The following TMEM106B variants were observed in gnomAD, a reference collection of about 807,000 sequenced individuals.
The protein encoded by TMEM106B is transmembrane protein 106B.
TMEM106B carries 15 observed loss-of-function variants against 31.1 expected under a neutral mutation model. The ratio of observed to expected loss-of-function variants is 0.48; its 90% CI spans 0.32 to 0.74. The LOEUF is 0.74. TMEM106B is among the 30% of genes least tolerant of loss of function. The pLI is 0.03. For missense variants in TMEM106B, 283 were observed against 327.3 expected (o/e 0.86, Z 1.04); for synonymous variants, 126 against 112.5 (o/e 1.12, Z -0.76).
chr7:12,225,175 C>T (rs1487148873), intron 4 of TMEM106B, among the ~76,000 whole-genome samples: 8 of 152,086 alleles, frequency 5.3e-5, no homozygotes, highest in Non-Finnish European at 4.4e-5. Flanking sequence ...GCTTCATCCA[C>T]GTCCCTACAA....
At chr7:12,213,974 T>A (rs1260759227) in intron 1 of TMEM106B, among the ~76,000 whole-genome samples, 1 of 152,180 alleles carries the variant, frequency 6.6e-6, no homozygotes, top group African/African-American at 2.4e-5. Context: ...CAGGCACAAC[T>A]GACCAGCATC....
chr7:12,213,172 T>C (rs1270489795), intron 1 of TMEM106B, among the ~76,000 whole-genome samples: 4 of 152,224 alleles, frequency 2.6e-5, no homozygotes, highest in African/African-American at 7.2e-5. Context: ...TATTGTTATT[T>C]TGATACTCTT....
intron 2 of TMEM106B, among the ~76,000 whole-genome samples, chr7:12,217,056 A>T (rs1781701825): frequency 6.6e-6 from 1 of 152,072 alleles, no homozygotes; most frequent in African/African-American, 2.4e-5. Flanking sequence ...GATAGAGTGA[A>T]TAATAGACAG....
chr7:12,228,106 A>G (rs1032692216), intron 4 of TMEM106B, among the ~76,000 whole-genome samples: 2 of 151,890 alleles, frequency 1.3e-5, no homozygotes, highest in African/African-American at 4.8e-5. Context: ...AATAGATAAA[A>G]TGTTTATATA....
chr7:12,234,713 CACCCTA>C lies in TMEM106B; in HGVS notation c.*2739_*2744del, dbSNP rs1442661503. The C allele has an allele frequency of 6.6e-6, 1 of 151,922 alleles. No homozygotes were observed. The highest frequency in any genetic ancestry group is 2.4e-5 in the African/African-American group (1 of 41,420). The allele number at this position is 151,922 out of a possible 1,614,324, so 9.4% of individuals were successfully genotyped here. On this transcript the variant is annotated 3_prime_UTR_variant, in exon 8 of 8. Coordinates refer to ENST00000396668, the MANE Select transcript of TMEM106B (RefSeq NM_001134232.2). ...TACTTCCTGGAATAACTTTAAGTTA[CACCCTA>C]GTAGACTGGTCATTCTAATAAAATC... is the stretch of plus-strand genomic sequence containing the variant.
intron 6 of TMEM106B, 39 bp downstream of exon 6, chr7:12,230,477 A>G (rs772554486): frequency 3.1e-6 from 4 of 1,308,014 alleles, no homozygotes; most frequent in Non-Finnish European, 3.3e-6. Flanking sequence ...TTGTCAAATA[A>G]TGAAGTGTAT....
chr7:12,219,904 C>T (rs1781755448), intron 3 of TMEM106B, among the ~76,000 whole-genome samples: 1 of 152,036 alleles, frequency 6.6e-6, no homozygotes, highest in East Asian at 1.9e-4. Context: ...TGGACAAATG[C>T]AAAACATTAA....
chr7:12,226,301 C>A (rs73284389), intron 4 of TMEM106B, among the ~76,000 whole-genome samples: 2 of 151,900 alleles, frequency 1.3e-5, no homozygotes, highest in African/African-American at 2.4e-5. Flanking sequence ...GAAGTGATGC[C>A]TCCAGCTTTG....
At position 12,218,442 on chromosome 7, in the gene TMEM106B, C is replaced by T. The variant is rs1180269819; in HGVS notation, c.218-16C>T. 4.4e-6 allele frequency: 7 copies of T among 1,604,522 alleles called. No homozygotes were observed. Among genetic ancestry groups the T allele is most frequent in the Non-Finnish European group, 5.1e-6 (6 of 1,172,880 alleles). On this transcript the variant is annotated splice_polypyrimidine_tract_variant and intron_variant, in intron 2 of 7. Coordinates refer to ENST00000396668, the MANE Select transcript of TMEM106B (RefSeq NM_001134232.2). The stretch of plus-strand genomic sequence containing the variant: ...CTAATCATAGTAATTTCTGAACTTA[C>T]TTCTTTCACATTTAGGGCAAGAAAA...
chr7:12,231,041 A>C (rs200609424), intron 6 of TMEM106B, 21 bp from the exon 7 acceptor site: 1,692 of 1,550,682 alleles, frequency 1.1e-3, no homozygotes, highest in Non-Finnish European at 1.4e-3. Flanking sequence ...GCATTTGTTC[A>C]CATTTTAATT....
intron 3 of TMEM106B, among the ~76,000 whole-genome samples, chr7:12,219,227 AG>A (rs1363203551): frequency 6.6e-6 from 1 of 152,174 alleles, no homozygotes; most frequent in African/African-American, 2.4e-5. Flanking sequence ...GACAGGAGTT[AG>A]GAAGGAAGGA....
intron 3 of TMEM106B, among the ~76,000 whole-genome samples, chr7:12,221,682 G>C (rs997199691): frequency 6.6e-6 from 1 of 152,186 alleles, no homozygotes; most frequent in African/African-American, 2.4e-5. Context: ...TCTGAGAAAG[G>C]TTCCAGCCTG....
At chr7:12,212,164 G>C (rs1019307) in intron 1 of TMEM106B, among the ~76,000 whole-genome samples, 72,288 of 152,058 alleles carry the variant, frequency 0.48, 17,683 homozygotes, top group East Asian at 0.62. Context: ...ATTAGATTAG[G>C]ACAGAAAACA....
chr7:12,214,680 C>G, intron 1 of TMEM106B, 129 bp from the exon 2 acceptor site: 2 of 844,396 alleles, frequency 2.4e-6, no homozygotes, highest in South Asian at 4.0e-5. Flanking sequence ...CCGAATAAAT[C>G]CCTTCAAATA....
At chr7:12,224,675 A>T (rs1024902152) in intron 4 of TMEM106B, among the ~76,000 whole-genome samples, 9 of 152,220 alleles carry the variant, frequency 5.9e-5, no homozygotes, top group African/African-American at 2.4e-5. Flanking sequence ...TTTTCAGCAT[A>T]TGACTCTGAA....
At chr7:12,222,946 G>A (rs1044264179) in intron 3 of TMEM106B, among the ~76,000 whole-genome samples, 3 of 152,126 alleles carry the variant, frequency 2.0e-5, no homozygotes, top group South Asian at 4.1e-4. Context: ...AAATGGTGGC[G>A]GAGAGTGGAA....
At position 12,235,953 on chromosome 7, in the gene TMEM106B, C is replaced by T. The variant is rs1782124513; in HGVS notation, c.*3978C>T. On this transcript the variant is annotated 3_prime_UTR_variant, in exon 8 of 8. Coordinates refer to ENST00000396668, the MANE Select transcript of TMEM106B (RefSeq NM_001134232.2). ...ATAAGAGTAATTAGTTTTATTCTCT[C>T]TTTTTTATAAAATCGGGTTTCAGAT... is the stretch of plus-strand genomic sequence containing the variant. 3 of 150,614 alleles carry T rather than the reference C, an allele frequency of 2.0e-5. No individual in the cohort carries two copies. The highest frequency in any genetic ancestry group is 4.9e-5 in the African/African-American group (2 of 40,876). 9.3% of individuals were successfully genotyped at this position (150,614 alleles called of 1,614,324 possible).
chr7:12,224,955 T>C (rs1781869675), intron 4 of TMEM106B, among the ~76,000 whole-genome samples: 1 of 152,068 alleles, frequency 6.6e-6, no homozygotes, highest in Non-Finnish European at 1.5e-5. Flanking sequence ...GCCATGTTGG[T>C]GTGCTGCACC....
rs1006112233 is a variant in TMEM106B, at chr7:12,231,115, A to T, written c.686A>T (p.Gln229Leu). 2 of 1,597,364 alleles carry T rather than the reference A, an allele frequency of 1.3e-6. No individual in the cohort carries two copies. Among genetic ancestry groups the T allele is most frequent in the Non-Finnish European group, 1.7e-6 (2 of 1,170,244 alleles). ...IKVHNIVLMM[Q>L]VTVTTTYFGH... The stretch of plus-strand genomic sequence containing the variant: ...GTGCATAACATAGTACTCATGATGC[A>T]GTAAGTACAAATCTTTTTTGAAAGA... The change falls in exon 7 of 8, where the codon CAA becomes CTA. Residue 229 changes from glutamine (Q) to leucine (L), a missense_variant and splice_region_variant. Coordinates refer to ENST00000396668, the MANE Select transcript of TMEM106B (RefSeq NM_001134232.2).
Sources: gnomAD v4.1 joint callset for allele counts (sites outside exome capture counted in the v4.1 genomes callset) on GRCh38, gnomAD v4.1.1 for gene constraint, MANE v1.5 for transcripts, NCBI Gene and HGNC (gene_info 2026-07-23, HGNC 2026-07-21) for gene names.